The following C9 variants were observed in gnomAD, a reference collection of about 807,000 sequenced individuals.
C9 encodes the protein complement component C9.
C9 carries 63 observed loss-of-function variants against 65.4 expected under a neutral mutation model. That is an observed-to-expected ratio of 0.96 (90% CI 0.79 to 1.19). The LOEUF (loss-of-function observed/expected upper bound fraction) is 1.19, where lower values mean the gene tolerates loss of function less well. C9 is among the 50% of genes most tolerant of loss of function. C9 has a pLI of 0.00. For missense variants in C9, 744 were observed against 670.1 expected, an observed-to-expected ratio of 1.11 and a Z score of -1.22; for synonymous variants, 229 against 227.9, an observed-to-expected ratio of 1.00 and a Z score of -0.04.
intron 1 of C9, among the ~76,000 whole-genome samples, chr5:39,362,911 C>T (rs1314442671): frequency 1.3e-5 from 2 of 152,104 alleles, no homozygotes; most frequent in African/African-American, 2.4e-5. Flanking sequence ...CCAAACCAAA[C>T]TCAGCCGTGC....
chr5:39,324,950 G>A (rs1269766383), intron 5 of C9, among the ~76,000 whole-genome samples: 1 of 152,098 alleles, frequency 6.6e-6, no homozygotes, highest in Admixed American at 6.5e-5. Context: ...AAGTTATCCT[G>A]TTTAAGAATT....
At chr5:39,358,978 C>T (rs1479609730) in intron 1 of C9, among the ~76,000 whole-genome samples, 1 of 143,886 alleles carries the variant, frequency 6.9e-6, no homozygotes, top group Admixed American at 7.2e-5. Context: ...GAGCGAGACT[C>T]CATCTCAAAA....
intron 1 of C9, among the ~76,000 whole-genome samples, chr5:39,362,364 T>C (rs1374161466): frequency 1.3e-5 from 2 of 152,160 alleles, no homozygotes; most frequent in East Asian, 1.9e-4. Flanking sequence ...AAGATGGCCA[T>C]GTGATGATAG....
At chr5:39,341,915 C>G (rs1754094171) in intron 2 of C9, among the ~76,000 whole-genome samples, 176 bp downstream of exon 2, 1 of 152,172 alleles carries the variant, frequency 6.6e-6, no homozygotes, top group African/African-American at 2.4e-5. Flanking sequence ...ATTTAGTATT[C>G]TGTACAACAT....
At chr5:39,346,253 A>T (rs1253587454) in intron 1 of C9, among the ~76,000 whole-genome samples, 9 of 152,242 alleles carry the variant, frequency 5.9e-5, no homozygotes, top group African/African-American at 1.9e-4. Context: ...GAAAAGATCA[A>T]CAAAATTGAT....
intron 9 of C9, among the ~76,000 whole-genome samples, chr5:39,302,296 C>G (rs1038401550): frequency 6.6e-6 from 1 of 152,066 alleles, no homozygotes; most frequent in African/African-American, 2.4e-5. Context: ...CTACATAACT[C>G]TATCTTTCTA....
At chr5:39,332,549 G>C (rs1389453533) in intron 4 of C9, among the ~76,000 whole-genome samples, 1 of 152,204 alleles carries the variant, frequency 6.6e-6, no homozygotes, top group Non-Finnish European at 1.5e-5. Context: ...ACTAGAAGCA[G>C]TTATTTCCTT....
At chr5:39,292,671 A>C (rs1332268092) in intron 9 of C9, among the ~76,000 whole-genome samples, 2 of 151,836 alleles carry the variant, frequency 1.3e-5, no homozygotes, top group East Asian at 3.9e-4. Flanking sequence ...GTGTATGTAA[A>C]AATTTAAAAA....
chr5:39,330,274 A>C (rs971130613), intron 5 of C9, among the ~76,000 whole-genome samples: 9 of 152,118 alleles, frequency 5.9e-5, no homozygotes, highest in African/African-American at 1.9e-4. Context: ...ACACCACATC[A>C]CCTTTCTAAA....
At chr5:39,346,670 A>G (rs1376172733) in intron 1 of C9, among the ~76,000 whole-genome samples, 1 of 152,254 alleles carries the variant, frequency 6.6e-6, no homozygotes, top group Non-Finnish European at 1.5e-5. Flanking sequence ...AACTCATTTT[A>G]TGAGGCCAGC....
chr5:39,305,982 G>A (rs998144864), intron 9 of C9, among the ~76,000 whole-genome samples: 1 of 151,928 alleles, frequency 6.6e-6, no homozygotes, highest in Non-Finnish European at 1.5e-5. Flanking sequence ...CCAACATGGC[G>A]AAACCCTGTC....
At position 39,359,076 on chromosome 5, in the gene C9, GTGTA is replaced by G. The variant is rs1321038402; in HGVS notation, c.77+5308_77+5311del. Among the ~76,000 whole-genome samples, 6 of 118,000 alleles carry G rather than the reference GTGTA, an allele frequency of 5.1e-5. No individual in the cohort carries two copies. In the Admixed American group the frequency reaches 5.9e-4, roughly 12 times the overall value. The allele number at this position is 118,000 out of a possible 152,430, so 77.4% of individuals were successfully genotyped here. ...TATATATGTGTATATATATATGTGT[GTGTA>G]TATATATATGTGTGTGTGTGTGTAT... On this transcript the variant is annotated intron_variant, in intron 1 of 10. Transcript: ENST00000263408.
rs748572251 is a variant in C9 at position 39,311,395 on chromosome 5, TGAA to T, written c.871-21_871-19del. On this transcript the variant is annotated intron_variant, in intron 6 of 10. Transcript: ENST00000263408. ...ATTTTTTCCTGTGTTGTAGAGCAGA[TGAA>T]GAAGAGAAACATGTGTTTTATCCAC... 3 of 1,608,506 alleles carry T rather than the reference TGAA, an allele frequency of 1.9e-6. No individual in the cohort carries two copies. Among genetic ancestry groups the T allele is most frequent in the African/African-American group, 1.3e-5 (1 of 74,964 alleles).
chr5:39,363,667 C>A (rs1274334861), intron 1 of C9, among the ~76,000 whole-genome samples: 1 of 152,132 alleles, frequency 6.6e-6, no homozygotes, highest in African/African-American at 2.4e-5. Context: ...AGGAAGGATG[C>A]CTCATGTGAC....
At chr5:39,308,142 CAATT>C (rs1753412807) in intron 8 of C9, 84 bp downstream of exon 8, 1 of 1,206,696 alleles carries the variant, frequency 8.3e-7, no homozygotes, top group African/African-American at 1.5e-5. Context: ...AGAGGACAGA[CAATT>C]AAGAGGGCTC....
chr5:39,312,877 G>A (rs928097842), intron 6 of C9, among the ~76,000 whole-genome samples: 1 of 152,068 alleles, frequency 6.6e-6, no homozygotes, highest in Non-Finnish European at 1.5e-5. Flanking sequence ...TTAACTTTAG[G>A]TGACAGTGGG....
chr5:39,314,189 C>T (rs1394865036), intron 6 of C9, among the ~76,000 whole-genome samples: 8 of 152,078 alleles, frequency 5.3e-5, no homozygotes, highest in African/African-American at 1.2e-4. Context: ...GTGGCTCACA[C>T]CTGTAATCCC....
intron 9 of C9, among the ~76,000 whole-genome samples, chr5:39,297,352 A>C (rs920902255): frequency 1.3e-5 from 2 of 151,630 alleles, no homozygotes; most frequent in African/African-American, 4.8e-5. Flanking sequence ...CAGAACAAAT[A>C]AAAACAACTA....
At chr5:39,332,631 C>G (rs552474499) in intron 4 of C9, among the ~76,000 whole-genome samples, 1 of 152,340 alleles carries the variant, frequency 6.6e-6, no homozygotes, top group East Asian at 1.9e-4. Context: ...TAAACGGCCC[C>G]AAGCCAGGGA....
Sources: allele counts gnomAD v4.1 joint callset (sites outside exome capture counted in the v4.1 genomes callset), GRCh38; gene constraint gnomAD v4.1.1; transcripts MANE v1.5; gene names NCBI Gene and HGNC (gene_info 2026-07-23, HGNC 2026-07-21).